The following RAPGEF6 variants were observed in gnomAD, a reference collection of about 807,000 sequenced individuals.
RAPGEF6 encodes the protein PDZ domain containing guanine nucleotide exchange factor (GEF) 2.
Under a neutral mutation model 171.4 loss-of-function variants are expected in RAPGEF6, and 56 were observed. That is an observed-to-expected ratio of 0.33 (90% CI 0.26 to 0.41). The LOEUF is 0.41. Among genes scored for constraint, RAPGEF6 ranks in the 10% least tolerant of loss-of-function variants. The pLI is 1.00. For missense variants in RAPGEF6, 1,674 were observed against 1,921.4 expected (o/e 0.87, Z 2.41); for synonymous variants, 692 against 650.1 (o/e 1.06, Z -0.98).
rs769183234 is a variant in RAPGEF6, at chr5:131,492,632, C to T, written c.1681G>A (p.Val561Ile). ...TCAGCAGCTTTGCTACCAGGTTCTA[C>T]TCCTTCAACAAAAATACCAAATCCC... ...EKGFGIFVEG[V>I]EPGSKAADSG... is the part of the protein sequence containing the mutation. Residue 561 changes from valine (V) to isoleucine (I), a missense_variant, in exon 14 of 28, where the codon GTA becomes ATA. Physicochemically the swap from Val to Ile is conservative, Grantham distance 29 (BLOSUM62 3). This residue lies in a region of RAPGEF6 where 1,116 missense variants were observed against 1,321.5 expected (regional missense o/e 0.84). Coordinates refer to ENST00000509018, the MANE Select transcript of RAPGEF6 (RefSeq NM_016340.6). 1.1e-5 allele frequency: 18 copies of T among 1,614,050 alleles called. No homozygotes were observed. The highest frequency in any genetic ancestry group is 1.2e-5 in the Non-Finnish European group (14 of 1,180,034).
At chr5:131,515,623 G>A (rs1758021169) in intron 7 of RAPGEF6, among the ~76,000 whole-genome samples, 1 of 152,140 alleles carries the variant, frequency 6.6e-6, no homozygotes, top group African/African-American at 2.4e-5. Context: ...AAAAAGCAGA[G>A]AGAAAAAGTG....
intron 6 of RAPGEF6, among the ~76,000 whole-genome samples, chr5:131,525,458 A>T (rs1233890758): frequency 5.9e-5 from 9 of 152,222 alleles, no homozygotes; most frequent in Non-Finnish European, 1.0e-4. Context: ...GAAAATATTA[A>T]AACAGAAAAT....
At chr5:131,460,499 G>C (rs959629462) in intron 19 of RAPGEF6, among the ~76,000 whole-genome samples, 1 of 151,998 alleles carries the variant, frequency 6.6e-6, no homozygotes, top group Admixed American at 6.6e-5. Flanking sequence ...TTCTTTACTT[G>C]ATGCTTCCTT....
At chr5:131,612,056 A>G (rs1764963881) in intron 1 of RAPGEF6, among the ~76,000 whole-genome samples, 1 of 152,022 alleles carries the variant, frequency 6.6e-6, no homozygotes, top group Non-Finnish European at 1.5e-5. Context: ...GCTTTTAGAG[A>G]CGGGGTCTCA....
At chr5:131,561,032 G>A (rs1031971807) in intron 5 of RAPGEF6, among the ~76,000 whole-genome samples, 8 of 152,006 alleles carry the variant, frequency 5.3e-5, no homozygotes, top group Non-Finnish European at 1.0e-4. Flanking sequence ...AGGACAATGA[G>A]TCCACTCGGT....
chr5:131,458,223 G>C (rs1753655141), intron 19 of RAPGEF6, among the ~76,000 whole-genome samples: 1 of 152,194 alleles, frequency 6.6e-6, no homozygotes, highest in Non-Finnish European at 1.5e-5. Flanking sequence ...GGACGCAGTG[G>C]GAGGTGACTG....
chr5:131,569,105 T>A (rs1389715878), intron 4 of RAPGEF6, among the ~76,000 whole-genome samples: 1 of 152,200 alleles, frequency 6.6e-6, no homozygotes, highest in Non-Finnish European at 1.5e-5. Flanking sequence ...AAGCAAGCCA[T>A]GTTCATAGGC....
At chr5:131,472,928 A>T in intron 16 of RAPGEF6, 184 bp from the exon 17 acceptor site, 1 of 552,790 alleles carries the variant, frequency 1.8e-6, no homozygotes. Flanking sequence ...ATTTTTAACA[A>T]TTACATTAAA....
Position 131,424,657 on chromosome 5 carries a change from A to T in RAPGEF6, c.*2609T>A, listed in dbSNP as rs571025351. ...AATTCACTAAAGGCTTTTTCTCCCC[A>T]AAGATCATATTGAAAGTAATCATTT... On this transcript the variant is annotated 3_prime_UTR_variant, in exon 28 of 28. Coordinates refer to ENST00000509018, the MANE Select transcript of RAPGEF6 (RefSeq NM_016340.6). 5 of 152,462 alleles carry T rather than the reference A, an allele frequency of 3.3e-5. No individual in the cohort carries two copies. The highest frequency in any genetic ancestry group is 7.4e-5 in the Non-Finnish European group (5 of 68,024). The allele number at this position is 152,462 out of a possible 1,614,324, so 9.4% of individuals were successfully genotyped here.
intron 24 of RAPGEF6, chr5:131,436,473 A>T: frequency 8.6e-7 from 1 of 1,169,180 alleles, no homozygotes; most frequent in Non-Finnish European, 1.2e-6. Context: ...TAACATCTTG[A>T]TAATATCTGA....
At chr5:131,554,937 T>TA (rs1005455582) in intron 5 of RAPGEF6, among the ~76,000 whole-genome samples, 14 of 149,250 alleles carry the variant, frequency 9.4e-5, no homozygotes, top group African/African-American at 1.5e-4. Flanking sequence ...GGAGGGAAAA[T>TA]AAAAAAAAGA....
In RAPGEF6 at chr5:131,630,330, C is replaced by CTAT. The variant is rs1215001245; in HGVS notation, c.69+4629_69+4631dup. 3.3e-5 allele frequency among the ~76,000 whole-genome samples: 5 copies of CTAT among 152,296 alleles called. No homozygotes were observed. In the East Asian group the frequency reaches 9.6e-4, roughly 29 times the overall value. On this transcript the variant is annotated intron_variant, in intron 1 of 27. Coordinates refer to ENST00000509018, the MANE Select transcript of RAPGEF6 (RefSeq NM_016340.6). ...CATATATCTTTTTTTAGACATAAGG[C>CTAT]TATCACACACAATAAACTACTATAT...
At chr5:131,428,752 G>GCACCCTGCC in intron 27 of RAPGEF6, 150 bp downstream of exon 27, 1 of 875,192 alleles carries the variant, frequency 1.1e-6, no homozygotes, top group Admixed American at 2.9e-5. Flanking sequence ...GTGAGCCACT[G>GCACCCTGCC]CACCCTGCCG....
chr5:131,630,253 G>T (rs1276246075), intron 1 of RAPGEF6, among the ~76,000 whole-genome samples: 1 of 152,200 alleles, frequency 6.6e-6, no homozygotes, highest in East Asian at 1.9e-4. Flanking sequence ...CTAGCTGAAG[G>T]CTCAGATGAC....
intron 16 of RAPGEF6, among the ~76,000 whole-genome samples, chr5:131,473,662 T>C (rs1207083661): frequency 6.6e-6 from 1 of 152,226 alleles, no homozygotes; most frequent in African/African-American, 2.4e-5. Context: ...TTCTGCCTAG[T>C]ACTTGCTATA....
intron 17 of RAPGEF6, among the ~76,000 whole-genome samples, chr5:131,465,748 A>G (rs987380016): frequency 2.0e-5 from 3 of 152,086 alleles, no homozygotes; most frequent in African/African-American, 7.2e-5. Context: ...ATGCCACTGC[A>G]CTCCACTCTG....
intron 1 of RAPGEF6, among the ~76,000 whole-genome samples, chr5:131,628,219 T>G (rs1766068111): frequency 1.3e-5 from 2 of 152,074 alleles, no homozygotes; most frequent in Non-Finnish European, 2.9e-5. Context: ...TTAGCCATGT[T>G]GTGAATGCAA....
chr5:131,621,123 A>G (rs574427211), intron 1 of RAPGEF6, among the ~76,000 whole-genome samples: 5 of 151,966 alleles, frequency 3.3e-5, no homozygotes, highest in Non-Finnish European at 5.9e-5. Context: ...CAAGAAACAC[A>G]CCTTCCCTTC....
chr5:131,428,776 A>T, intron 27 of RAPGEF6, 126 bp downstream of exon 27: 1 of 1,090,944 alleles, frequency 9.2e-7, no homozygotes, highest in Non-Finnish European at 1.3e-6. Flanking sequence ...GGAACTTCTT[A>T]CTTTTTAACA....
Sources: gnomAD v4.1 joint callset for allele counts (sites outside exome capture counted in the v4.1 genomes callset) on GRCh38, gnomAD v4.1.1 for gene constraint, gnomAD v4.1.1 regional missense constraint, MANE v1.5 for transcripts, NCBI Gene and HGNC (gene_info 2026-07-23, HGNC 2026-07-21) for gene names.